Variants in ARPC5L observed in about 807,000 individuals in gnomAD.
ARPC5L encodes actin-related protein 2/3 complex subunit 5-like protein.
ARPC5L carries 4 observed loss-of-function variants against 16.9 expected under a neutral mutation model. The ratio of observed to expected loss-of-function variants is 0.24; its 90% CI spans 0.12 to 0.54. The LOEUF is 0.54. ARPC5L is among the 20% of genes least tolerant of loss of function. The probability of loss-of-function intolerance (pLI) is 0.95; values close to 1 mark genes in which losing one functional copy is unlikely to be tolerated. For synonymous variants in ARPC5L, 78 were observed against 82.6 expected, an observed-to-expected ratio of 0.94 and a Z score of 0.30; for missense variants, 151 against 201.9, an observed-to-expected ratio of 0.75 and a Z score of 1.53.
At chr9:124,864,144 A>G (rs1222914243) in intron 2 of ARPC5L, 37 bp downstream of exon 2, 2 of 152,096 alleles carry the variant, frequency 1.3e-5, no homozygotes, top group Non-Finnish European at 2.9e-5. Context: ...GGATATGGGG[A>G]AAAAAGAGAG....
chr9:124,869,455 G>A lies in ARPC5L; in HGVS notation c.149+16G>A, dbSNP rs749935536. On this transcript the variant is annotated intron_variant, in intron 3 of 5. Transcript: ENST00000353214. ...TCCTGCGGCAATATCCTTCCCTGAC[G>A]CGGCGTCCGGGCCTGCGCGCGGCCT... is the stretch of plus-strand genomic sequence containing the variant. The A allele has an allele frequency of 7.0e-7, 1 of 1,438,496 alleles. No homozygotes were observed. Among genetic ancestry groups the A allele is most frequent in the Non-Finnish European group, 9.1e-7 (1 of 1,097,488 alleles). 89.1% of individuals were successfully genotyped at this position (1,438,496 alleles called of 1,614,324 possible). A position where few individuals can be genotyped will look rare whatever the true frequency, so the allele number is the denominator to read the frequency against.
chr9:124,873,490 A>G (rs1829388861), intron 3 of ARPC5L: 4 of 603,694 alleles, frequency 6.6e-6, no homozygotes, highest in Non-Finnish European at 1.2e-5. Flanking sequence ...AGTTGAAAGG[A>G]GGGTTTGCAT....
In ARPC5L at chr9:124,876,946, A is replaced by G; in HGVS notation, c.*6A>G. On this transcript the variant is annotated 3_prime_UTR_variant, in exon 6 of 6. Transcript: ENST00000353214. ...CAGCAAGAAAGACTGTTTAAAAAAA[A>G]TAAAAAGACTCATGTTACCTTGAGA... The G allele has an allele frequency of 6.2e-7, 1 of 1,609,286 alleles. No homozygotes were observed. Among genetic ancestry groups the G allele is most frequent in the Non-Finnish European group, 8.5e-7 (1 of 1,177,342 alleles).
Position 124,877,140 on chromosome 9 carries a change from A to G in ARPC5L, c.*200A>G, listed in dbSNP as rs1281788324. On this transcript the variant is annotated 3_prime_UTR_variant, in exon 6 of 6. Coordinates refer to ENST00000353214, the MANE Select transcript of ARPC5L (RefSeq NM_030978.3). Reference sequence around the variant, plus strand: ...AATCCTGTTTAGGATCTGATAGTCTATGCCTTTGTCTCCGAGTACTGCAGA... The same window carrying G: ...AATCCTGTTTAGGATCTGATAGTCTGTGCCTTTGTCTCCGAGTACTGCAGA... 3 of 576,372 alleles carry G rather than the reference A, an allele frequency of 5.2e-6. No homozygotes were observed. The East Asian group carries it at 9.1e-5, about 18-fold the overall frequency. 35.7% of individuals were successfully genotyped at this position (576,372 alleles called of 1,614,324 possible). A position where few individuals can be genotyped will look rare whatever the true frequency, so the allele number is the denominator to read the frequency against.
At position 124,876,951 on chromosome 9, in the gene ARPC5L, A is replaced by C; in HGVS notation, c.*11A>C. The C allele has an allele frequency of 6.2e-7, 1 of 1,606,162 alleles. No individual in the cohort carries two copies. The highest frequency in any genetic ancestry group is 1.7e-5 in the Admixed American group (1 of 59,278). On this transcript the variant is annotated 3_prime_UTR_variant, in exon 6 of 6. Transcript: ENST00000353214. The stretch of plus-strand genomic sequence containing the variant: ...AGAAAGACTGTTTAAAAAAAATAAA[A>C]AGACTCATGTTACCTTGAGAAGAAT...
chr9:124,865,202 A>T (rs4838230), intron 2 of ARPC5L, among the ~76,000 whole-genome samples: 1 of 150,668 alleles, frequency 6.6e-6, no homozygotes, highest in South Asian at 2.1e-4. Flanking sequence ...CTGTAATCCC[A>T]GCTACTCTGG....
intron 2 of ARPC5L, among the ~76,000 whole-genome samples, chr9:124,865,348 T>C (rs1368205331): frequency 7.0e-6 from 1 of 143,412 alleles, no homozygotes; most frequent in African/African-American, 2.6e-5. Context: ...GAAAGTCTAA[T>C]GGTGCACAGT....
chr9:124,874,123 G>C (rs955459502), intron 4 of ARPC5L, among the ~76,000 whole-genome samples: 1 of 152,164 alleles, frequency 6.6e-6, no homozygotes, highest in Non-Finnish European at 1.5e-5. Flanking sequence ...TTAAGTACCC[G>C]TACGCTTTCC....
chr9:124,870,589 C>G (rs2131334958), intron 3 of ARPC5L, among the ~76,000 whole-genome samples: 1 of 152,254 alleles, frequency 6.6e-6, no homozygotes, highest in East Asian at 1.9e-4. Context: ...AATGTGTTTT[C>G]CGAAGTGGAG....
intron 3 of ARPC5L, among the ~76,000 whole-genome samples, chr9:124,871,738 TG>T (rs1209142835): frequency 2.0e-5 from 3 of 152,002 alleles, no homozygotes; most frequent in African/African-American, 7.3e-5. Flanking sequence ...TCCAGAGCAG[TG>T]GTTGTGAGCG....
In ARPC5L at chr9:124,875,036, A is replaced by G. The variant is rs763224383; in HGVS notation, c.284A>G (p.Gln95Arg). The G allele has an allele frequency of 1.2e-6, 2 of 1,614,096 alleles. No homozygotes were observed. Among genetic ancestry groups the G allele is most frequent in the Non-Finnish European group, 1.7e-6 (2 of 1,179,926 alleles). ...AACTTCAAGAGCAGTGAGATTGAGCAGGCTGTGCAGTCACTGGACAGAAAC... is the reference window on the plus strand; with the variant it reads ...AACTTCAAGAGCAGTGAGATTGAGCGGGCTGTGCAGTCACTGGACAGAAAC... ...LTNFKSSEIE[Q>R]AVQSLDRNGV... is the part of the protein sequence containing the mutation. Residue 95 changes from glutamine (Q) to arginine (R), a missense_variant, in exon 5 of 6, where the codon CAG becomes CGG. By Grantham distance (43) the Gln-to-Arg change is conservative. Transcript: ENST00000353214.
At chr9:124,863,151 T>G (rs1829227041) in intron 1 of ARPC5L, among the ~76,000 whole-genome samples, 1 of 152,054 alleles carries the variant, frequency 6.6e-6, no homozygotes, top group Non-Finnish European at 1.5e-5. Flanking sequence ...TTTATTTTTA[T>G]TTTATTTTTT....
intron 3 of ARPC5L, chr9:124,873,306 G>T (rs748522617): frequency 8.2e-5 from 17 of 207,376 alleles, no homozygotes; most frequent in Non-Finnish European, 2.0e-5. Context: ...TACATTTTCC[G>T]CTTTTTTAGA....
At chr9:124,872,422 C>T (rs1355642204) in intron 3 of ARPC5L, among the ~76,000 whole-genome samples, 4 of 151,996 alleles carry the variant, frequency 2.6e-5, no homozygotes, top group Admixed American at 6.6e-5. Flanking sequence ...AGTGAAACCC[C>T]GCCTCTACTA....
At chr9:124,874,841 A>G in intron 4 of ARPC5L, 134 bp from the exon 5 acceptor site, 1 of 1,052,680 alleles carries the variant, frequency 9.5e-7, no homozygotes, top group South Asian at 1.5e-5. Flanking sequence ...GTTCTAACCC[A>G]CTTATTTTAA....
intron 5 of ARPC5L, among the ~76,000 whole-genome samples, chr9:124,875,844 TCA>T (rs1309510849): frequency 6.6e-6 from 1 of 152,146 alleles, no homozygotes; most frequent in Non-Finnish European, 1.5e-5. Context: ...CCTCAGAGGC[TCA>T]GTGTTGAGTT....
intron 1 of ARPC5L, among the ~76,000 whole-genome samples, chr9:124,863,297 G>A (rs953101726): frequency 1.3e-5 from 2 of 152,114 alleles, no homozygotes; most frequent in Non-Finnish European, 2.9e-5. Context: ...TGGGACTACA[G>A]GTGTGTGCCA....
Position 124,876,947 on chromosome 9 carries a change from TAA to T in ARPC5L, c.*11_*12del, listed in dbSNP as rs374043264. On this transcript the variant is annotated 3_prime_UTR_variant, in exon 6 of 6. Transcript: ENST00000353214. ...AGCAAGAAAGACTGTTTAAAAAAAA[TAA>T]AAAGACTCATGTTACCTTGAGAAGA... 6.2e-7 allele frequency: 1 copy of T among 1,607,820 alleles called. No individual in the cohort carries two copies. The highest frequency in any genetic ancestry group is 1.1e-5 in the South Asian group (1 of 90,278).
intron 3 of ARPC5L, among the ~76,000 whole-genome samples, chr9:124,870,540 G>A (rs1383674607): frequency 6.6e-6 from 1 of 152,140 alleles, no homozygotes; most frequent in African/African-American, 2.4e-5. Context: ...TCCTGAGTGT[G>A]CCTTTAAACC....
Sources: gnomAD v4.1 joint callset for allele counts (sites outside exome capture counted in the v4.1 genomes callset) on GRCh38, gnomAD v4.1.1 for gene constraint, MANE v1.5 for transcripts, NCBI Gene and HGNC (gene_info 2026-07-23, HGNC 2026-07-21) for gene names.